The following CTNNA3 variants were observed in gnomAD, a reference collection of about 807,000 sequenced individuals.
The protein encoded by CTNNA3 is catenin alpha 3.
Under a neutral mutation model 95.7 loss-of-function variants are expected in CTNNA3, and 76 were observed. The ratio of observed to expected loss-of-function variants is 0.79; its 90% CI spans 0.66 to 0.96. The LOEUF (loss-of-function observed/expected upper bound fraction) is 0.96. Ranked by LOEUF, CTNNA3 falls within the 40% of genes least tolerant of loss-of-function variation. The probability of loss-of-function intolerance (pLI) is 0.00; values close to 1 mark genes in which losing one functional copy is unlikely to be tolerated. For synonymous variants in CTNNA3, 431 were observed against 374.4 expected (o/e 1.15, Z -1.74); for missense variants, 1,191 against 1,089.8 (o/e 1.09, Z -1.31).
chr10:65,990,186 A>G (rs1334837204), intron 15 of CTNNA3, among the ~76,000 whole-genome samples: 2 of 151,910 alleles, frequency 1.3e-5, no homozygotes, highest in Non-Finnish European at 2.9e-5. Flanking sequence ...ACTACAATAA[A>G]AATAGGGGTG....
At chr10:67,522,404 A>C (rs1840015413) in intron 4 of CTNNA3, among the ~76,000 whole-genome samples, 2 of 152,148 alleles carry the variant, frequency 1.3e-5, no homozygotes, top group Non-Finnish European at 2.9e-5. Flanking sequence ...ATTTTGCTAT[A>C]ATGGCATGGA....
At chr10:66,620,880 T>A (rs1405911787) in intron 10 of CTNNA3, among the ~76,000 whole-genome samples, 2 of 152,146 alleles carry the variant, frequency 1.3e-5, no homozygotes, top group Non-Finnish European at 2.9e-5. Context: ...AGACTTAAAG[T>A]CCCTAATCTT....
At chr10:67,312,208 G>T (rs1165888135) in intron 5 of CTNNA3, among the ~76,000 whole-genome samples, 1 of 151,890 alleles carries the variant, frequency 6.6e-6, no homozygotes, top group Non-Finnish European at 1.5e-5. Flanking sequence ...AAGTAGCTGG[G>T]ATTACAGGCA....
chr10:66,380,189 CTG>C (rs1313231035), intron 11 of CTNNA3, among the ~76,000 whole-genome samples: 2 of 151,854 alleles, frequency 1.3e-5, no homozygotes, highest in Non-Finnish European at 2.9e-5. Flanking sequence ...CTCTCTCTGT[CTG>C]TGTCTCTCTG....
intron 13 of CTNNA3, among the ~76,000 whole-genome samples, chr10:66,265,026 C>T (rs1443971652): frequency 6.6e-6 from 1 of 151,982 alleles, no homozygotes; most frequent in Non-Finnish European, 1.5e-5. Flanking sequence ...GATTTACTAC[C>T]AAACCTTCAA....
chr10:66,719,286 G>A (rs917974260), intron 9 of CTNNA3, among the ~76,000 whole-genome samples: 15 of 152,060 alleles, frequency 9.9e-5, no homozygotes. Flanking sequence ...CAATGTCGGT[G>A]TATCAATAGA....
intron 15 of CTNNA3, among the ~76,000 whole-genome samples, chr10:66,027,341 G>A (rs1438973195): frequency 6.6e-6 from 1 of 152,078 alleles, no homozygotes; most frequent in African/African-American, 2.4e-5. Flanking sequence ...TGTGTTTTAT[G>A]CATATTTAAC....
chr10:67,614,239 C>A (rs1421120369), intron 2 of CTNNA3, among the ~76,000 whole-genome samples: 1 of 152,142 alleles, frequency 6.6e-6, no homozygotes, highest in Non-Finnish European at 1.5e-5. Flanking sequence ...ATTTTACAAT[C>A]CCTTCGTAAG....
intron 5 of CTNNA3, among the ~76,000 whole-genome samples, chr10:67,305,023 TC>T (rs1840481432): frequency 6.6e-6 from 1 of 152,120 alleles, no homozygotes; most frequent in African/African-American, 2.4e-5. Flanking sequence ...ATGCCTGTAA[TC>T]CCAGCACTTT....
intron 9 of CTNNA3, among the ~76,000 whole-genome samples, chr10:66,702,161 G>C (rs1368627373): frequency 6.6e-6 from 1 of 151,958 alleles, no homozygotes; most frequent in Non-Finnish European, 1.5e-5. Flanking sequence ...AATGTGTCCA[G>C]GGTAACTAAG....
At chr10:66,872,036 T>C (rs1399355917) in intron 7 of CTNNA3, among the ~76,000 whole-genome samples, 2 of 152,200 alleles carry the variant, frequency 1.3e-5, no homozygotes, top group Admixed American at 6.5e-5. Context: ...GCCAAATTCA[T>C]TTTATAGCCC....
In CTNNA3 at chr10:66,432,255, T is replaced by C. The variant is rs180731959; in HGVS notation, c.1532-52903A>G. 3.1e-3 allele frequency among the ~76,000 whole-genome samples: 469 copies of C among 152,260 alleles called. 1 individual carries two copies. Among genetic ancestry groups the C allele is most frequent in the African/African-American group, 0.011 (451 of 41,542 alleles). Reference sequence around the variant, plus strand: ...ATTGTATCAAAAGCTAACCTACTCATCCAGAAGAAAGCCACAATTAAATTG... The same window carrying C: ...ATTGTATCAAAAGCTAACCTACTCACCCAGAAGAAAGCCACAATTAAATTG... On this transcript the variant is annotated intron_variant, in intron 11 of 17. Coordinates refer to ENST00000433211, the MANE Select transcript of CTNNA3 (RefSeq NM_013266.4).
At chr10:66,441,534 C>T (rs946468824) in intron 11 of CTNNA3, among the ~76,000 whole-genome samples, 8 of 152,056 alleles carry the variant, frequency 5.3e-5, no homozygotes, top group Admixed American at 3.9e-4. Context: ...CTTTGCTATT[C>T]CAAGACTAAA....
intron 3 of CTNNA3, among the ~76,000 whole-genome samples, chr10:67,575,319 G>A (rs576129541): frequency 5.0e-4 from 68 of 134,866 alleles, no homozygotes; most frequent in Admixed American, 1.4e-3. Context: ...TTCTGAAACC[G>A]TATGTCGTCC....
At chr10:67,529,043 A>G (rs1840235395) in intron 4 of CTNNA3, among the ~76,000 whole-genome samples, 3 of 152,180 alleles carry the variant, frequency 2.0e-5, no homozygotes, top group African/African-American at 7.2e-5. Flanking sequence ...AAAATTGATA[A>G]GTATAAAAGG....
At chr10:65,987,350 T>C (rs576522861) in intron 16 of CTNNA3, among the ~76,000 whole-genome samples, 2 of 151,742 alleles carry the variant, frequency 1.3e-5, no homozygotes, top group Admixed American at 1.3e-4. Flanking sequence ...ATAAAACAAA[T>C]TTAAAAATGG....
At chr10:67,741,213 G>A (rs1841335888) in intron 1 of CTNNA3, among the ~76,000 whole-genome samples, 1 of 150,614 alleles carries the variant, frequency 6.6e-6, no homozygotes, top group Non-Finnish European at 1.5e-5. Flanking sequence ...AATGCTAGAT[G>A]ACGAGTTAGT....
At chr10:67,006,338 A>T (rs1851987318) in intron 7 of CTNNA3, among the ~76,000 whole-genome samples, 1 of 152,182 alleles carries the variant, frequency 6.6e-6, no homozygotes, top group Non-Finnish European at 1.5e-5. Context: ...CTGTCTTACC[A>T]AATTGCTAAT....
chr10:66,602,383 A>T (rs942869709), intron 10 of CTNNA3, among the ~76,000 whole-genome samples: 24 of 151,600 alleles, frequency 1.6e-4, no homozygotes, highest in African/African-American at 5.6e-4. Flanking sequence ...AGCTTTTTTT[A>T]AAAAAACTGT....
Sources: allele counts gnomAD v4.1 joint callset (sites outside exome capture counted in the v4.1 genomes callset), GRCh38; gene constraint gnomAD v4.1.1; transcripts MANE v1.5; gene names NCBI Gene and HGNC (gene_info 2026-07-23, HGNC 2026-07-21).